The following DLGAP2 variants were observed in gnomAD, a reference collection of about 807,000 sequenced individuals.
The protein encoded by DLGAP2 is disks large-associated protein 2.
In DLGAP2, 26 loss-of-function variants were observed where a neutral mutation model predicts 100.3. The observed-to-expected ratio is 0.26, with a 90% confidence interval of 0.19 to 0.36. The LOEUF is 0.36. DLGAP2 is among the 10% of genes least tolerant of loss of function. DLGAP2 has a pLI of 1.00. For synonymous variants in DLGAP2, 886 were observed against 630.1 expected, an observed-to-expected ratio of 1.41 and a Z score of -6.08; for missense variants, 1,858 against 1,453.2, an observed-to-expected ratio of 1.28 and a Z score of -4.53.
At position 1,677,185 on chromosome 8, in the gene DLGAP2, A is replaced by G. The variant is rs116156701; in HGVS notation, c.2288+567A>G. On this transcript the variant is annotated intron_variant, in intron 11 of 14. Coordinates refer to ENST00000637795, the MANE Select transcript of DLGAP2 (RefSeq NM_001346810.2). ...ATATTACATGGTGAGGGCTCAGCCA[A>G]TGTGTGACAGGGACAGTGTTGGGTG... 3.0e-3 allele frequency among the ~76,000 whole-genome samples: 459 copies of G among 152,330 alleles called. 3 individuals carry two copies. The highest frequency in any genetic ancestry group is 0.01 in the African/African-American group (423 of 41,576).
At chr8:817,608 A>G (rs1380806057) in intron 1 of DLGAP2, among the ~76,000 whole-genome samples, 1 of 152,216 alleles carries the variant, frequency 6.6e-6, no homozygotes, top group Non-Finnish European at 1.5e-5. Context: ...CAGAGGGAAG[A>G]TCTGGGATTC....
intron 6 of DLGAP2, among the ~76,000 whole-genome samples, chr8:1,617,224 T>C (rs1409559586): frequency 6.6e-6 from 1 of 152,238 alleles, no homozygotes; most frequent in Non-Finnish European, 1.5e-5. Context: ...ATGAGTTCTC[T>C]TCCTTTGTGT....
chr8:996,093 C>T lies in DLGAP2; in HGVS notation c.73+88127C>T, dbSNP rs137863425. On this transcript the variant is annotated intron_variant, in intron 2 of 14. Transcript: ENST00000637795. Reference sequence around the variant, plus strand: ...ACCACAACACCGTTTAAAGTAGTTCCTCAGACCAGTATGCTGTGTTCTTCT... The same window carrying T: ...ACCACAACACCGTTTAAAGTAGTTCTTCAGACCAGTATGCTGTGTTCTTCT... Among the ~76,000 whole-genome samples, 5 of 152,290 alleles carry T rather than the reference C, an allele frequency of 3.3e-5. No homozygotes were observed. In the East Asian group the frequency reaches 9.7e-4, roughly 29 times the overall value.
At chr8:1,497,102 G>A (rs1027878750) in intron 3 of DLGAP2, among the ~76,000 whole-genome samples, 1 of 152,224 alleles carries the variant, frequency 6.6e-6, no homozygotes, top group South Asian at 2.1e-4. Flanking sequence ...CCCTAAGCAA[G>A]GGGTCTGAGT....
chr8:1,422,122 T>C (rs1173589983), intron 3 of DLGAP2, among the ~76,000 whole-genome samples: 2 of 152,158 alleles, frequency 1.3e-5, no homozygotes, highest in African/African-American at 4.8e-5. Flanking sequence ...ACAAGGTGTG[T>C]AGGACAGCTA....
At chr8:1,623,844 A>G (rs933357809) in intron 6 of DLGAP2, among the ~76,000 whole-genome samples, 2 of 152,272 alleles carry the variant, frequency 1.3e-5, no homozygotes, top group Non-Finnish European at 1.5e-5. Context: ...TGCATAGAAA[A>G]TGTTAGCTAT....
At chr8:1,624,203 T>C (rs907909462) in intron 6 of DLGAP2, among the ~76,000 whole-genome samples, 1 of 152,152 alleles carries the variant, frequency 6.6e-6, no homozygotes, top group Admixed American at 6.5e-5. Context: ...GAACGGCTGT[T>C]GTATTGGAAG....
intron 1 of DLGAP2, among the ~76,000 whole-genome samples, chr8:875,677 A>G (rs1797676525): frequency 6.6e-6 from 1 of 152,158 alleles, no homozygotes; most frequent in Non-Finnish European, 1.5e-5. Flanking sequence ...GAATGAACTA[A>G]TATAGTCTCA....
At chr8:835,837 G>A (rs1327991987) in intron 1 of DLGAP2, among the ~76,000 whole-genome samples, 1 of 152,106 alleles carries the variant, frequency 6.6e-6, no homozygotes, top group Non-Finnish European at 1.5e-5. Context: ...TCTGTGGCAC[G>A]TTCTTTCGTG....
rs143012056 is a variant in DLGAP2 at position 871,316 on chromosome 8, A to T, written c.19-36596A>T. Among the ~76,000 whole-genome samples the T allele has an allele frequency of 2.6e-3, 397 of 152,330 alleles. 2 individuals carry two copies. The highest frequency in any genetic ancestry group is 8.9e-3 in the African/African-American group (370 of 41,578). On this transcript the variant is annotated intron_variant, in intron 1 of 14. Coordinates refer to ENST00000637795, the MANE Select transcript of DLGAP2 (RefSeq NM_001346810.2). ...GTCCAAACTGTTAGTTGAGTTTTGG[A>T]TGGAACCTTTATCACCTGCTACATT...
chr8:1,107,397 A>G (rs922263942), intron 2 of DLGAP2, among the ~76,000 whole-genome samples: 2 of 152,196 alleles, frequency 1.3e-5, no homozygotes, highest in Admixed American at 6.5e-5. Flanking sequence ...ATCCACTCAC[A>G]CAGAGGTCAG....
chr8:924,627 G>T (rs1798776662), intron 2 of DLGAP2, among the ~76,000 whole-genome samples: 1 of 151,694 alleles, frequency 6.6e-6, no homozygotes, highest in Admixed American at 6.6e-5. Flanking sequence ...TCGTTGCCCA[G>T]GCTGGAGTGC....
chr8:1,324,555 GGACAC>G (rs1800977813), intron 3 of DLGAP2, among the ~76,000 whole-genome samples: 1 of 152,156 alleles, frequency 6.6e-6, no homozygotes. Context: ...AAACTGTCCA[GGACAC>G]AGTGTTACAT....
chr8:1,064,641 G>A (rs1022060584), intron 2 of DLGAP2, among the ~76,000 whole-genome samples: 8 of 152,172 alleles, frequency 5.3e-5, no homozygotes, highest in Admixed American at 5.2e-4. Context: ...GAGGTCTTTA[G>A]TAAATTTGAC....
rs114128042 is a variant in DLGAP2, at chr8:984,639, A to G, written c.73+76673A>G. On this transcript the variant is annotated intron_variant, in intron 2 of 14. Transcript: ENST00000637795. ...GCCACTCTCCAAGAACAGCGGTGTA[A>G]AGAGCACGGCCTCCCAGTCAATACG... 6.9e-3 allele frequency among the ~76,000 whole-genome samples: 1,045 copies of G among 152,342 alleles called. 10 individuals are homozygous for G. Among genetic ancestry groups the G allele is most frequent in the African/African-American group, 0.024 (980 of 41,570 alleles).
rs1237401012 is a variant in DLGAP2, at chr8:1,496,178, CTTCTGCCTCTTCATTGGCAGAGTG to C, written c.107-5178_107-5155del. Among the ~76,000 whole-genome samples the C allele has an allele frequency of 2.0e-5, 3 of 152,328 alleles. No homozygotes were observed. The East Asian group carries it at 5.8e-4, about 29-fold the overall frequency. On this transcript the variant is annotated intron_variant, in intron 3 of 14. Coordinates refer to ENST00000637795, the MANE Select transcript of DLGAP2 (RefSeq NM_001346810.2). ...CTGCCCACAATCATTTCTTTCCTCT[CTTCTGCCTCTTCATTGGCAGAGTG>C]TTCTGCCTCCCTCCATCATCACTCA...
At chr8:752,528 G>C (rs1264864122) in intron 1 of DLGAP2, among the ~76,000 whole-genome samples, 1 of 152,182 alleles carries the variant, frequency 6.6e-6, no homozygotes, top group Non-Finnish European at 1.5e-5. Context: ...GGCTCGGTGT[G>C]GGGTCAGCAC....
intron 2 of DLGAP2, among the ~76,000 whole-genome samples, chr8:1,087,524 A>G (rs184480582): frequency 1.9e-3 from 284 of 147,342 alleles, no homozygotes; most frequent in Non-Finnish European, 2.9e-3. Flanking sequence ...TCAGTGAACC[A>G]CATGTGTGAC....
chr8:1,228,443 C>A (rs1418573325), intron 2 of DLGAP2, among the ~76,000 whole-genome samples: 2 of 152,118 alleles, frequency 1.3e-5, no homozygotes, highest in Non-Finnish European at 2.9e-5. Context: ...TGGAGGGAGT[C>A]CCCAACTCAT....
Sources: allele counts gnomAD v4.1 joint callset (sites outside exome capture counted in the v4.1 genomes callset), GRCh38; gene constraint gnomAD v4.1.1; transcripts MANE v1.5; gene names NCBI Gene and HGNC (gene_info 2026-07-23, HGNC 2026-07-21).